Variants in IL1RAPL2 observed in about 807,000 individuals in gnomAD.
IL1RAPL2 encodes the protein interleukin 1 receptor accessory protein like 2.
Under a neutral mutation model 44.1 loss-of-function variants are expected in IL1RAPL2, and 3 were observed. That is an observed-to-expected ratio of 0.07 (90% CI 0.03 to 0.18). IL1RAPL2 has a LOEUF of 0.18. IL1RAPL2 is among the 10% of genes least tolerant of loss of function. The pLI, the probability that IL1RAPL2 is intolerant of heterozygous loss-of-function variation, is 1.00. For synonymous variants in IL1RAPL2, 181 were observed against 178.8 expected (o/e 1.01, Z -0.10); for missense variants, 391 against 496.4 (o/e 0.79, Z 2.02).
At chrX:105,077,343 CT>C (rs765759615) in intron 2 of IL1RAPL2, among the ~76,000 whole-genome samples, 7 of 111,670 alleles carry the variant, frequency 6.3e-5, no homozygotes, top group Non-Finnish European at 1.3e-4. Flanking sequence ...GTTGAAAATT[CT>C]TTTCTTTAAG....
chrX:105,339,480 T>C (rs2035054323), intron 5 of IL1RAPL2, among the ~76,000 whole-genome samples: 1 of 111,892 alleles, frequency 8.9e-6, no homozygotes, highest in African/African-American at 3.3e-5. Context: ...GTTGGGAAGA[T>C]ATATGAAACA....
intron 6 of IL1RAPL2, among the ~76,000 whole-genome samples, chrX:105,587,827 C>G: frequency 9.0e-6 from 1 of 111,568 alleles, no homozygotes. Flanking sequence ...TGGCTTGAGT[C>G]TAGGAGTTTG....
intron 4 of IL1RAPL2, among the ~76,000 whole-genome samples, chrX:105,242,429 A>G (rs2034178234): frequency 1.8e-5 from 2 of 111,924 alleles, no homozygotes; most frequent in Admixed American, 9.5e-5. Flanking sequence ...CACTCACACA[A>G]CACATACAGA....
chrX:105,113,079 A>G (rs901693090), intron 2 of IL1RAPL2, among the ~76,000 whole-genome samples: 2 of 112,452 alleles, frequency 1.8e-5, no homozygotes, highest in African/African-American at 6.4e-5. Flanking sequence ...TTCTGTTGCA[A>G]TTGATACAGG....
chrX:105,377,857 T>C (rs2035399857), intron 5 of IL1RAPL2, among the ~76,000 whole-genome samples: 1 of 111,567 alleles, frequency 9.0e-6, no homozygotes, highest in Non-Finnish European at 1.9e-5. Flanking sequence ...ATAGACTGCT[T>C]TGGGGAGATA....
At chrX:105,731,342 A>G (rs2038404368) in intron 7 of IL1RAPL2, among the ~76,000 whole-genome samples, 1 of 111,123 alleles carries the variant, frequency 9.0e-6, no homozygotes, top group Non-Finnish European at 1.9e-5. Flanking sequence ...GAACCCGAAC[A>G]GACCAATAGC....
intron 2 of IL1RAPL2, among the ~76,000 whole-genome samples, chrX:104,948,649 G>C (rs1206700707): frequency 4.5e-5 from 5 of 111,292 alleles, no homozygotes; most frequent in Non-Finnish European, 9.4e-5. Context: ...TTTTGTCAAA[G>C]GCCTTTTCTG....
At chrX:105,703,281 G>T (rs967675720) in intron 6 of IL1RAPL2, among the ~76,000 whole-genome samples, 5 of 110,987 alleles carry the variant, frequency 4.5e-5, no homozygotes, top group Non-Finnish European at 9.4e-5. Flanking sequence ...ATTACCAAAT[G>T]CTCCCTCTGG....
chrX:104,650,646 C>A (rs1052355651), intron 1 of IL1RAPL2, among the ~76,000 whole-genome samples: 14 of 111,721 alleles, frequency 1.3e-4, no homozygotes, highest in African/African-American at 4.5e-4. Context: ...CTAAAAAAAA[C>A]CACTTATTTT....
At chrX:105,069,593 A>G (rs1385530789) in intron 2 of IL1RAPL2, among the ~76,000 whole-genome samples, 1 of 112,346 alleles carries the variant, frequency 8.9e-6, no homozygotes, top group African/African-American at 3.2e-5. Context: ...ATATATTTCT[A>G]TATTTCATTT....
At chrX:104,767,535 T>G (rs1183338368) in intron 2 of IL1RAPL2, among the ~76,000 whole-genome samples, 1 of 111,569 alleles carries the variant, frequency 9.0e-6, no homozygotes, top group East Asian at 2.8e-4. Flanking sequence ...ACCAAACATC[T>G]GCTTGCAATG....
At chrX:104,905,912 G>A (rs1182496391) in intron 2 of IL1RAPL2, among the ~76,000 whole-genome samples, 6 of 110,318 alleles carry the variant, frequency 5.4e-5, no homozygotes, top group Non-Finnish European at 1.1e-4. Context: ...CCATTTTCAT[G>A]ATATTGATTC....
chrX:104,648,042 A>T, intron 1 of IL1RAPL2: 1 of 506,231 alleles, frequency 2.0e-6, no homozygotes, highest in Non-Finnish European at 3.4e-6. Flanking sequence ...TTCCACTCTG[A>T]CCTCCACATG....
chrX:105,165,124 A>T (rs1006992072), intron 2 of IL1RAPL2, among the ~76,000 whole-genome samples: 3 of 111,674 alleles, frequency 2.7e-5, no homozygotes, highest in African/African-American at 9.8e-5. Flanking sequence ...GTTACCTTAG[A>T]TTATTCTGCA....
At chrX:105,764,688 C>T (rs906597293) in intron 10 of IL1RAPL2, among the ~76,000 whole-genome samples, 8 of 111,114 alleles carry the variant, frequency 7.2e-5, no homozygotes, top group African/African-American at 2.6e-4. Context: ...CACCTGTAGT[C>T]CTAGCTACTG....
chrX:105,655,991 T>G (rs2037674868), intron 6 of IL1RAPL2, among the ~76,000 whole-genome samples: 1 of 111,860 alleles, frequency 8.9e-6, no homozygotes, highest in African/African-American at 3.2e-5. Context: ...CTCTGTAAGT[T>G]ATTTTAAAAT....
chrX:105,223,922 T>C (rs1309569522), intron 3 of IL1RAPL2, among the ~76,000 whole-genome samples: 1 of 111,461 alleles, frequency 9.0e-6, no homozygotes, highest in Non-Finnish European at 1.9e-5. Context: ...CAGTTTTGGA[T>C]TGACAAATGC....
chrX:105,614,511 C>T (rs2037359071), intron 6 of IL1RAPL2, among the ~76,000 whole-genome samples: 1 of 111,085 alleles, frequency 9.0e-6, no homozygotes, highest in African/African-American at 3.3e-5. Flanking sequence ...AATTTACATC[C>T]ACACATCTAA....
At chrX:105,516,724 CA>C (rs774814582) in intron 6 of IL1RAPL2, among the ~76,000 whole-genome samples, 1 of 112,109 alleles carries the variant, frequency 8.9e-6, no homozygotes, top group East Asian at 2.8e-4. Flanking sequence ...ATCATTCCTA[CA>C]GTCACTAAAA....
Sources: allele counts gnomAD v4.1 joint callset (sites outside exome capture counted in the v4.1 genomes callset), GRCh38; gene constraint gnomAD v4.1.1; transcripts MANE v1.5; gene names NCBI Gene and HGNC (gene_info 2026-07-23, HGNC 2026-07-21).